Variants in FARP2 observed in about 807,000 individuals in gnomAD.
FARP2 encodes FERM, ARHGEF and pleckstrin domain-containing protein 2.
A neutral mutation model predicts 130.5 loss-of-function variants in FARP2; 111 were observed. The ratio of observed to expected loss-of-function variants is 0.85; its 90% CI spans 0.73 to 1.00. The LOEUF (loss-of-function observed/expected upper bound fraction) is 1.00. FARP2 is among the 50% of genes least tolerant of loss of function. The pLI is 0.00. For missense variants in FARP2, 1,385 were observed against 1,346.3 expected, an observed-to-expected ratio of 1.03 and a Z score of -0.45; for synonymous variants, 504 against 516.9, an observed-to-expected ratio of 0.98 and a Z score of 0.34.
chr2:241,437,965 G>A (rs184794493), intron 12 of FARP2, among the ~76,000 whole-genome samples: 5 of 151,836 alleles, frequency 3.3e-5, no homozygotes, highest in Admixed American at 6.6e-5. Context: ...ACGCCCAGCC[G>A]CCTGGCTGAT....
rs145352184 is a variant in FARP2 at position 241,494,119 on chromosome 2, G to A, written c.3159G>A (p.Glu1053=). Reference sequence around the variant, plus strand: ...TGGAGGGGATGGTCAGGGGGAAGGAGGAATGACGCTCAACCTGCCCAGGTT... The same window carrying A: ...TGGAGGGGATGGTCAGGGGGAAGGAAGAATGACGCTCAACCTGCCCAGGTT... ...SGLEGMVRGK[E]E Residue 1053 remains glutamate, a synonymous_variant, in exon 27 of 27, where the codon GAG becomes GAA. Coordinates refer to ENST00000264042, the MANE Select transcript of FARP2 (RefSeq NM_014808.4). The surrounding 1 kb of genome is among the most constrained non-coding windows in gnomAD (Gnocchi z 4.9). The A allele has an allele frequency of 3.5e-4, 519 of 1,476,146 alleles. 4 individuals are homozygous for A. Among genetic ancestry groups the A allele is most frequent in the Non-Finnish European group, 5.9e-5 (66 of 1,120,180 alleles). The allele number at this position is 1,476,146 out of a possible 1,614,324, so 91.4% of individuals were successfully genotyped here.
At chr2:241,493,669 A>T (rs1282486265) in intron 26 of FARP2, 5 of 564,654 alleles carry the variant, frequency 8.9e-6, no homozygotes, top group Non-Finnish European at 1.6e-5. Flanking sequence ...ATCTTGGCTC[A>T]CTATAACCTG....
intron 13 of FARP2, among the ~76,000 whole-genome samples, chr2:241,451,001 GGAGT>G (rs1233896344): frequency 6.6e-6 from 1 of 152,062 alleles, no homozygotes; most frequent in Non-Finnish European, 1.5e-5. Flanking sequence ...GTTATTTGCT[GGAGT>G]GTGGTGGCCT....
At chr2:241,367,044 G>A (rs950014967) in intron 1 of FARP2, among the ~76,000 whole-genome samples, 1 of 152,114 alleles carries the variant, frequency 6.6e-6, no homozygotes, top group Non-Finnish European at 1.5e-5. Flanking sequence ...GAGTTCTTGA[G>A]TTGTTGACTG....
intron 1 of FARP2, among the ~76,000 whole-genome samples, chr2:241,364,950 C>T (rs759230498): frequency 5.9e-5 from 9 of 152,128 alleles, no homozygotes; most frequent in Non-Finnish European, 4.4e-5. Context: ...GACTGGGAGC[C>T]ATGCCGGATA....
At chr2:241,437,734 G>A (rs1283518188) in intron 12 of FARP2, among the ~76,000 whole-genome samples, 4 of 150,456 alleles carry the variant, frequency 2.7e-5, no homozygotes, top group African/African-American at 9.8e-5. Flanking sequence ...GCGCGATCTC[G>A]GCTCACTGCA....
intron 1 of FARP2, among the ~76,000 whole-genome samples, chr2:241,361,262 C>T (rs537771226): frequency 6.6e-6 from 1 of 152,306 alleles, no homozygotes; most frequent in South Asian, 2.1e-4. Flanking sequence ...TGGCCCTTCA[C>T]CTTTATTTCA....
At chr2:241,361,021 C>CAAAAAAG (rs1322031295) in intron 1 of FARP2, among the ~76,000 whole-genome samples, 1 of 128,504 alleles carries the variant, frequency 7.8e-6, no homozygotes, top group Non-Finnish European at 1.7e-5. Context: ...CAATTCCATT[C>CAAAAAAG]AAAAAAGAAA....
intron 5 of FARP2, among the ~76,000 whole-genome samples, chr2:241,408,380 AAAAG>A (rs1292563583): frequency 5.9e-5 from 9 of 151,994 alleles, no homozygotes; most frequent in Non-Finnish European, 1.2e-4. Flanking sequence ...TCAAAAAAAA[AAAAG>A]AAAAGAAAAT....
chr2:241,455,599 C>T (rs1017574130), intron 13 of FARP2, among the ~76,000 whole-genome samples: 5 of 150,834 alleles, frequency 3.3e-5, no homozygotes, highest in African/African-American at 1.2e-4. Flanking sequence ...CCAGGCTGGT[C>T]TCTAACTCCT....
chr2:241,379,198 T>C (rs2061606266), intron 2 of FARP2, among the ~76,000 whole-genome samples: 1 of 152,240 alleles, frequency 6.6e-6, no homozygotes. Context: ...AGAACAATTA[T>C]ACTCTCATTA....
At chr2:241,377,220 G>T (rs1048734753) in intron 2 of FARP2, among the ~76,000 whole-genome samples, 1 of 152,116 alleles carries the variant, frequency 6.6e-6, no homozygotes, top group East Asian at 1.9e-4. Context: ...TATTCTCATG[G>T]CCAGAAAACA....
At position 241,493,035 on chromosome 2, in the gene FARP2, A is replaced by G. The variant is rs758937524; in HGVS notation, c.2894A>G (p.Gln965Arg). 7 of 1,541,442 alleles carry G rather than the reference A, an allele frequency of 4.5e-6. No individual in the cohort carries two copies. Among genetic ancestry groups the G allele is most frequent in the Non-Finnish European group, 6.3e-6 (7 of 1,113,678 alleles). Residue 965 changes from glutamine (Q) to arginine (R), a missense_variant and splice_region_variant, in exon 25 of 27, where the codon CAG (glutamine) becomes CGG (arginine). Gln to Arg is a conservative substitution (Grantham distance 43, BLOSUM62 1). Transcript: ENST00000264042. The part of the protein sequence containing the change: ...NFCLFFYKTH[Q>R]DDYPLASLPL... ...TGTTTGTTCTTCTACAAAACTCATC[A>G]GGTACTGGAGTTTCACTGGAGCCCA...
At chr2:241,362,445 A>T (rs991314739) in intron 1 of FARP2, among the ~76,000 whole-genome samples, 64 of 151,912 alleles carry the variant, frequency 4.2e-4, no homozygotes, top group African/African-American at 1.4e-3. Flanking sequence ...CACTAAAAAC[A>T]CAAAAAATTA....
chr2:241,366,125 A>ATATATATATACGTATATATATATACG lies in FARP2; in HGVS notation c.-24-6949_-24-6948insCGTATATATATATACGTATATATATA, dbSNP rs1553705676. Among the ~76,000 whole-genome samples the ATATATATATACGTATATATATATACG allele has an allele frequency of 1.2e-3, 78 of 67,368 alleles. 2 individuals carry two copies. The highest frequency in any genetic ancestry group is 3.2e-3 in the African/African-American group (57 of 18,066). 44.2% of individuals were successfully genotyped at this position (67,368 alleles called of 152,430 possible). On this transcript the variant is annotated intron_variant, in intron 1 of 26. Transcript: ENST00000264042. ...AAAAAATATATATATATATATACGT[A>ATATATATATACGTATATATATATACG]TATATATATATATACACACACACAT...
intron 5 of FARP2, 192 bp from the exon 6 acceptor site, chr2:241,410,841 C>A: frequency 1.8e-6 from 1 of 554,102 alleles, no homozygotes; most frequent in Admixed American, 3.0e-5. Flanking sequence ...ATCTGACCTT[C>A]ACTTGGTGAC....
At chr2:241,474,189 C>G (rs1362052906) in intron 18 of FARP2, among the ~76,000 whole-genome samples, 9 of 151,664 alleles carry the variant, frequency 5.9e-5, no homozygotes, top group African/African-American at 2.2e-4. Context: ...GCCTGTAGTC[C>G]CAGCTACTCG....
chr2:241,416,695 C>G (rs1292447932), intron 7 of FARP2, among the ~76,000 whole-genome samples: 1 of 151,742 alleles, frequency 6.6e-6, no homozygotes, highest in South Asian at 2.1e-4. Flanking sequence ...GAGAGGCCAA[C>G]AAGTTTGAGT....
Position 241,441,368 on chromosome 2 carries a change from C to T in FARP2, c.1223C>T (p.Ser408Leu), listed in dbSNP as rs2063378949. The change falls in exon 13 of 27, where the codon TCG becomes TTG. Residue 408 changes from serine to leucine, a missense_variant. Physicochemically the swap from Ser to Leu is moderately radical, Grantham distance 145. Coordinates refer to ENST00000264042, the MANE Select transcript of FARP2 (RefSeq NM_014808.4). ...CCATCTTCAGCGAATGCCTTTTACTCGCTCTCTCCCTCCACTCTGGTCCCC... is the reference window on the plus strand; with the variant it reads ...CCATCTTCAGCGAATGCCTTTTACTTGCTCTCTCCCTCCACTCTGGTCCCC... ...ASPSSANAFY[S>L]LSPSTLVPSG... 5 of 1,614,110 alleles carry T rather than the reference C, an allele frequency of 3.1e-6. No homozygotes were observed. Among genetic ancestry groups the T allele is most frequent in the South Asian group, 1.1e-5 (1 of 91,072 alleles).
Sources: allele counts gnomAD v4.1 joint callset (sites outside exome capture counted in the v4.1 genomes callset), GRCh38; gene constraint gnomAD v4.1.1; non-coding constraint Gnocchi (gnomAD v3.1); transcripts MANE v1.5; gene names NCBI Gene and HGNC (gene_info 2026-07-23, HGNC 2026-07-21).